Variants in NFATC1 observed in about 807,000 individuals in gnomAD.
NFATC1 encodes nuclear factor of activated T cells 1, also known as nuclear factor of activated T-cells, cytoplasmic 1.
In NFATC1, 22 loss-of-function variants were observed where a neutral mutation model predicts 76.0. The ratio of observed to expected loss-of-function variants is 0.29; its 90% CI spans 0.21 to 0.41. The LOEUF is 0.41. Among genes scored for constraint, NFATC1 ranks in the 10% least tolerant of loss-of-function variants. NFATC1 has a pLI of 1.00. For synonymous variants in NFATC1, 704 were observed against 613.1 expected (o/e 1.15, Z -2.19); for missense variants, 1,357 against 1,337.7 (o/e 1.01, Z -0.23).
intron 2 of NFATC1, among the ~76,000 whole-genome samples, chr18:79,419,408 G>A (rs571823982): frequency 2.0e-4 from 31 of 151,448 alleles, no homozygotes; most frequent in African/African-American, 7.3e-4. Context: ...GAACCTGCCC[G>A]GGAGCCCCCT....
intron 3 of NFATC1, among the ~76,000 whole-genome samples, chr18:79,436,257 G>A (rs976305956): frequency 6.6e-6 from 1 of 152,258 alleles, no homozygotes; most frequent in South Asian, 2.1e-4. Flanking sequence ...GGACGAGGCC[G>A]TGGGTAGTGG....
At chr18:79,458,814 G>C (rs1246415319) in intron 6 of NFATC1, among the ~76,000 whole-genome samples, 1 of 152,264 alleles carries the variant, frequency 6.6e-6, no homozygotes, top group Non-Finnish European at 1.5e-5. Context: ...ACGCGGCCCT[G>C]CGTCTCCTTT....
intron 3 of NFATC1, among the ~76,000 whole-genome samples, chr18:79,446,472 G>A (rs182223320): frequency 2.6e-5 from 4 of 152,164 alleles, no homozygotes; most frequent in African/African-American, 4.8e-5. Flanking sequence ...ATTAAATCTC[G>A]GAAAATGGAA....
intron 1 of NFATC1, among the ~76,000 whole-genome samples, chr18:79,403,350 A>G (rs2085330002): frequency 6.6e-6 from 1 of 152,264 alleles, no homozygotes; most frequent in Admixed American, 6.5e-5. Context: ...TATTGTAAAT[A>G]ATTTCCCAGG....
Position 79,410,594 on chromosome 18 carries a change from A to G in NFATC1, c.319A>G (p.Thr107Ala), listed in dbSNP as rs1281398591. 1.9e-6 allele frequency: 3 copies of G among 1,612,434 alleles called. No homozygotes were observed. The highest frequency in any genetic ancestry group is 2.5e-6 in the Non-Finnish European group (3 of 1,179,984). ...PAGYFLSSGH[T>A]RPDGAPALES... ...GGGCTACTTCCTCTCCTCCGGCCAC[A>G]CCAGGCCTGATGGGGCCCCTGCCCT... Residue 107 changes from threonine (T) to alanine (A), a missense_variant, in exon 2 of 10, where the codon ACC becomes GCC. Thr to Ala is a moderately conservative substitution (Grantham distance 58, BLOSUM62 0). Coordinates refer to ENST00000427363, the MANE Select transcript of NFATC1 (RefSeq NM_001278669.2). The surrounding 1 kb of genome is among the most constrained non-coding windows in gnomAD (Gnocchi z 6.7).
In NFATC1 at chr18:79,484,296, C is replaced by G. The variant is rs115467798; in HGVS notation, c.2093-1952C>G. ...GCTGCAGAGCCCCAGGAAGGCCTGG[C>G]ACGACCCTCAGCAGAGTGTGGCTTT... On this transcript the variant is annotated intron_variant, in intron 8 of 9. Transcript: ENST00000427363. 7.9e-3 allele frequency among the ~76,000 whole-genome samples: 1,200 copies of G among 152,216 alleles called. 17 individuals carry two copies. Among genetic ancestry groups the G allele is most frequent in the African/African-American group, 0.028 (1,143 of 41,518 alleles).
At position 79,491,253 on chromosome 18, in the gene NFATC1, TCGG is replaced by T. The variant is rs776360612; in HGVS notation, c.2782+4317_2782+4319del. On this transcript the variant is annotated intron_variant, in intron 9 of 9. Transcript: ENST00000427363. ...AAAGCAGGCAAGCGTGACCTGGAGT[TCGG>T]GGGCGGAGAAGAATAGGAAGCACAG... is the stretch of plus-strand genomic sequence containing the variant. Among the ~76,000 whole-genome samples, 35 of 152,080 alleles carry T rather than the reference TCGG, an allele frequency of 2.3e-4. No homozygotes were observed. The East Asian group carries it at 6.2e-3, about 27-fold the overall frequency.
intron 2 of NFATC1, among the ~76,000 whole-genome samples, chr18:79,427,363 T>G (rs544908036): frequency 4.3e-5 from 6 of 138,694 alleles, no homozygotes; most frequent in Non-Finnish European, 6.2e-5. Flanking sequence ...TGGCAGTGGG[T>G]GCTGTACGGC....
intron 9 of NFATC1, among the ~76,000 whole-genome samples, chr18:79,504,015 G>A (rs558708557): frequency 2.5e-4 from 38 of 152,296 alleles, no homozygotes; most frequent in African/African-American, 8.9e-4. Flanking sequence ...GTCTTGGTCT[G>A]GATTAGGCTT....
At chr18:79,454,308 C>G (rs528453557) in intron 6 of NFATC1, among the ~76,000 whole-genome samples, 42 of 152,354 alleles carry the variant, frequency 2.8e-4, no homozygotes, top group Non-Finnish European at 1.6e-4. Context: ...GTAGGAAGCT[C>G]ATTGTCCAGG....
At chr18:79,482,868 C>T (rs186529607) in intron 8 of NFATC1, among the ~76,000 whole-genome samples, 89 of 127,892 alleles carry the variant, frequency 7.0e-4, no homozygotes, top group African/African-American at 2.5e-3. Flanking sequence ...GTAATTCCAG[C>T]GTGACCTGGT....
Position 79,437,935 on chromosome 18 carries a change from G to C in NFATC1, c.1386+4197G>C, listed in dbSNP as rs145980915. 7.9e-5 allele frequency among the ~76,000 whole-genome samples: 12 copies of C among 152,384 alleles called. No homozygotes were observed. In the East Asian group the frequency reaches 2.3e-3, roughly 29 times the overall value. On this transcript the variant is annotated intron_variant, in intron 3 of 9. Coordinates refer to ENST00000427363, the MANE Select transcript of NFATC1 (RefSeq NM_001278669.2). ...AGGATGGTCTGGGGTGAGACAGGCAGTGTTCTTCCCCTTCTCTGGCCAGGG... is the reference window on the plus strand; with the variant it reads ...AGGATGGTCTGGGGTGAGACAGGCACTGTTCTTCCCCTTCTCTGGCCAGGG...
chr18:79,449,931 C>G (rs958770269), intron 4 of NFATC1, among the ~76,000 whole-genome samples: 3 of 152,226 alleles, frequency 2.0e-5, no homozygotes, highest in African/African-American at 4.8e-5. Flanking sequence ...TCCACGTTGA[C>G]TTTTCAAGCA....
chr18:79,469,557 G>A (rs768374587), intron 8 of NFATC1: 35 of 985,646 alleles, frequency 3.6e-5, no homozygotes, highest in African/African-American at 2.3e-4. Context: ...CTCCTGCCTC[G>A]ATTGGCCCCG....
Position 79,410,322 on chromosome 18 carries a change from G to A in NFATC1, c.128-81G>A. 1 of 1,523,622 alleles carries A rather than the reference G, an allele frequency of 6.6e-7. No individual in the cohort carries two copies. Among genetic ancestry groups the A allele is most frequent in the Non-Finnish European group, 8.8e-7 (1 of 1,140,932 alleles). 94.4% of individuals were successfully genotyped at this position (1,523,622 alleles called of 1,614,324 possible). A position where few individuals can be genotyped will look rare whatever the true frequency, so the allele number is the denominator to read the frequency against. On this transcript the variant is annotated intron_variant, in intron 1 of 9. Coordinates refer to ENST00000427363, the MANE Select transcript of NFATC1 (RefSeq NM_001278669.2). This position sits in a 1 kb window ranked among gnomAD's most constrained non-coding sequence, Gnocchi z 6.7. Reference sequence around the variant, plus strand: ...GGTCCGTTGGTCGAGGCCGGGGGTTGCTGGCCGGCCCTGAGTTCATGGGTT... The same window carrying A: ...GGTCCGTTGGTCGAGGCCGGGGGTTACTGGCCGGCCCTGAGTTCATGGGTT...
At chr18:79,470,882 C>T (rs1428147808) in intron 8 of NFATC1, 3 of 152,188 alleles carry the variant, frequency 2.0e-5, no homozygotes, top group African/African-American at 7.2e-5. Flanking sequence ...GTGATGGGGC[C>T]CAGAGGGAGA....
At chr18:79,480,295 A>G (rs928722444) in intron 8 of NFATC1, among the ~76,000 whole-genome samples, 5 of 152,150 alleles carry the variant, frequency 3.3e-5, no homozygotes, top group African/African-American at 2.4e-5. Context: ...CTGGAGCCCC[A>G]GGCTTCAGAA....
At chr18:79,469,302 A>G in intron 8 of NFATC1, 1 of 985,092 alleles carries the variant, frequency 1.0e-6, no homozygotes, top group Non-Finnish European at 1.2e-6. Flanking sequence ...CAGTGCATTA[A>G]TTTTTTTCTT....
intron 1 of NFATC1, among the ~76,000 whole-genome samples, chr18:79,409,639 A>G (rs1392972130): frequency 6.7e-6 from 1 of 149,236 alleles, no homozygotes; most frequent in Admixed American, 6.7e-5. Flanking sequence ...TCATCCCTTC[A>G]CCCCCCGTCC....
Sources: gnomAD v4.1 joint callset for allele counts (sites outside exome capture counted in the v4.1 genomes callset) on GRCh38, gnomAD v4.1.1 for gene constraint, Gnocchi (gnomAD v3.1) non-coding constraint, MANE v1.5 for transcripts, NCBI Gene and HGNC (gene_info 2026-07-23, HGNC 2026-07-21) for gene names.